Variants in PTPRN2 observed in about 807,000 individuals in gnomAD.
PTPRN2 encodes receptor-type tyrosine-protein phosphatase N2.
In PTPRN2, 74 loss-of-function variants were observed where a neutral mutation model predicts 118.8. The observed-to-expected ratio is 0.62, with a 90% confidence interval of 0.52 to 0.76. PTPRN2 has a LOEUF of 0.76. Among genes scored for constraint, PTPRN2 ranks in the 30% least tolerant of loss-of-function variants. PTPRN2 has a pLI of 0.00. For missense variants in PTPRN2, 1,481 were observed against 1,394.4 expected, an observed-to-expected ratio of 1.06 and a Z score of -0.99; for synonymous variants, 641 against 608.0, an observed-to-expected ratio of 1.05 and a Z score of -0.80.
intron 2 of PTPRN2, among the ~76,000 whole-genome samples, chr7:158,337,056 C>A (rs199669675): frequency 1.2e-3 from 156 of 131,664 alleles, no homozygotes; most frequent in African/African-American, 4.0e-3. Flanking sequence ...CCCACACTGT[C>A]ACCATAAGAG....
chr7:158,174,266 G>A (rs561900903), intron 5 of PTPRN2, among the ~76,000 whole-genome samples: 33 of 152,160 alleles, frequency 2.2e-4, no homozygotes, highest in African/African-American at 6.3e-4. Context: ...CTGACTTCCC[G>A]CAACAACTTC....
chr7:158,403,449 G>A (rs1813098110), intron 2 of PTPRN2, among the ~76,000 whole-genome samples: 1 of 152,236 alleles, frequency 6.6e-6, no homozygotes, highest in Non-Finnish European at 1.5e-5. Flanking sequence ...AGGCCCAGCT[G>A]CCCTCGTTCT....
intron 2 of PTPRN2, among the ~76,000 whole-genome samples, chr7:158,395,589 GGTGAGGGGTGAGGGGTGAGGC>G (rs2151388396): frequency 2.6e-5 from 1 of 38,558 alleles, no homozygotes; most frequent in Non-Finnish European, 5.9e-5. Context: ...AGGGGCCAGG[GGTGAGGGGTGAGGGGTGAGGC>G]GCGAGGGGCC....
intron 2 of PTPRN2, among the ~76,000 whole-genome samples, chr7:158,329,926 T>C (rs1374613279): frequency 1.3e-5 from 2 of 152,058 alleles, no homozygotes; most frequent in East Asian, 1.9e-4. Flanking sequence ...CAGAGTGTCC[T>C]ATTCTGCAAC....
intron 10 of PTPRN2, among the ~76,000 whole-genome samples, chr7:158,084,291 G>A (rs562720962): frequency 2.3e-4 from 12 of 51,100 alleles, no homozygotes; most frequent in East Asian, 6.9e-4. Context: ...CCCCCACCCC[G>A]CCCGCCACGT....
Position 157,945,257 on chromosome 7 carries a change from C to G in PTPRN2, c.1724-46520G>C, listed in dbSNP as rs144173124. Reference sequence around the variant, plus strand: ...CCTCATGGTTTCAACCCCACCCATTCGCAGCAGCCACATCCCCACCTGCAC... The same window carrying G: ...CCTCATGGTTTCAACCCCACCCATTGGCAGCAGCCACATCCCCACCTGCAC... On this transcript the variant is annotated intron_variant, in intron 11 of 22. Transcript: ENST00000389418. Among the ~76,000 whole-genome samples, 850 of 152,220 alleles carry G rather than the reference C, an allele frequency of 5.6e-3. 10 individuals carry two copies. Among genetic ancestry groups the G allele is most frequent in the African/African-American group, 0.02 (823 of 41,532 alleles).
chr7:157,838,221 T>C (rs1242520773), intron 12 of PTPRN2, among the ~76,000 whole-genome samples: 1 of 150,316 alleles, frequency 6.7e-6, no homozygotes, highest in Non-Finnish European at 1.5e-5. Flanking sequence ...CCACTATGCC[T>C]ACTCCAGTTC....
chr7:158,152,585 G>A (rs1397344843), intron 6 of PTPRN2, among the ~76,000 whole-genome samples: 5 of 152,188 alleles, frequency 3.3e-5, no homozygotes, highest in Admixed American at 2.6e-4. Context: ...AGGAAGGCAG[G>A]TCCCTGGCTG....
intron 12 of PTPRN2, among the ~76,000 whole-genome samples, chr7:157,884,185 C>T (rs758995143): frequency 2.3e-4 from 35 of 151,950 alleles, no homozygotes; most frequent in Non-Finnish European, 3.4e-4. Context: ...GAGACCAGAA[C>T]ATACCATCCA....
chr7:158,052,696 C>A (rs746801827), intron 11 of PTPRN2, among the ~76,000 whole-genome samples: 2 of 151,594 alleles, frequency 1.3e-5, no homozygotes, highest in African/African-American at 2.4e-5. Context: ...TGCTTTGTCT[C>A]GTGGGGGCCG....
At chr7:158,246,118 G>C (rs1796229898) in intron 3 of PTPRN2, among the ~76,000 whole-genome samples, 1 of 111,096 alleles carries the variant, frequency 9.0e-6, no homozygotes, top group Non-Finnish European at 1.8e-5. Context: ...TCTGGGCCAG[G>C]CTGCATTCAC....
intron 12 of PTPRN2, among the ~76,000 whole-genome samples, chr7:157,793,847 G>C (rs1313745275): frequency 6.6e-6 from 1 of 152,134 alleles, no homozygotes; most frequent in Non-Finnish European, 1.5e-5. Context: ...CCTCCAGGCA[G>C]AAGTCAATTT....
chr7:157,768,372 C>T (rs975307473), intron 12 of PTPRN2, among the ~76,000 whole-genome samples: 2 of 152,210 alleles, frequency 1.3e-5, no homozygotes, highest in Non-Finnish European at 2.9e-5. Context: ...CGGGCAGAAC[C>T]GCACGCTACA....
In PTPRN2 at chr7:157,903,413, T is replaced by G. The variant is rs1797583138; in HGVS notation, c.1724-4676A>C. ...CCAGGTCACAAGTGTACCCCAAACC[T>G]CAGCACCACCAGTATACCCAGGTCA... On this transcript the variant is annotated intron_variant, in intron 11 of 22. Transcript: ENST00000389418. The surrounding 1 kb of genome is among the most constrained non-coding windows in gnomAD (Gnocchi z 4.2). Among the ~76,000 whole-genome samples the G allele has an allele frequency of 6.6e-6, 1 of 151,770 alleles. No individual in the cohort carries two copies. Among genetic ancestry groups the G allele is most frequent in the Admixed American group, 6.6e-5 (1 of 15,252 alleles).
At chr7:158,085,044 G>A (rs1337666573) in intron 10 of PTPRN2, among the ~76,000 whole-genome samples, 2 of 117,532 alleles carry the variant, frequency 1.7e-5, no homozygotes, top group Admixed American at 9.1e-5. Context: ...CCACACCCAC[G>A]ACACCCATCC....
chr7:158,337,033 G>A (rs1439481454), intron 2 of PTPRN2, among the ~76,000 whole-genome samples: 2 of 88,078 alleles, frequency 2.3e-5, no homozygotes, highest in Non-Finnish European at 2.5e-5. Context: ...GTCACCCACA[G>A]ACATCACTCA....
chr7:158,129,186 A>C (rs1425370276), intron 9 of PTPRN2, among the ~76,000 whole-genome samples: 5 of 150,388 alleles, frequency 3.3e-5, no homozygotes, highest in African/African-American at 1.2e-4. Flanking sequence ...ATACCACGCC[A>C]CACACTACAC....
intron 3 of PTPRN2, among the ~76,000 whole-genome samples, chr7:158,213,022 C>G (rs1410712628): frequency 6.6e-6 from 1 of 152,260 alleles, no homozygotes; most frequent in South Asian, 2.1e-4. Context: ...AAATAACTCT[C>G]AAGAATAATT....
chr7:158,081,291 G>A lies in PTPRN2; in HGVS notation c.1723+7C>T. 1.9e-6 allele frequency: 3 copies of A among 1,612,776 alleles called. No homozygotes were observed. Among genetic ancestry groups the A allele is most frequent in the Non-Finnish European group, 2.5e-6 (3 of 1,178,858 alleles). ...GTGCGTGTACGTGTGTGTGGAAACA[G>A]CCTCACCTGTGGCCTTCTCCACATC... On this transcript the variant is annotated splice_region_variant and intron_variant, in intron 11 of 22. Transcript: ENST00000389418.
Sources: allele counts gnomAD v4.1 joint callset (sites outside exome capture counted in the v4.1 genomes callset), GRCh38; gene constraint gnomAD v4.1.1; non-coding constraint Gnocchi (gnomAD v3.1); transcripts MANE v1.5; gene names NCBI Gene and HGNC (gene_info 2026-07-23, HGNC 2026-07-21).